Variants in PLXNC1 observed in about 807,000 individuals in gnomAD.
The protein encoded by PLXNC1 is plexin-C1.
In PLXNC1, 75 loss-of-function variants were observed where a neutral mutation model predicts 178.2. The observed-to-expected ratio is 0.42, with a 90% confidence interval of 0.35 to 0.51. PLXNC1 has a LOEUF of 0.51. PLXNC1 is among the 20% of genes least tolerant of loss of function. The pLI, the probability that PLXNC1 is intolerant of heterozygous loss-of-function variation, is 0.02. For synonymous variants in PLXNC1, 790 were observed against 779.9 expected, an observed-to-expected ratio of 1.01 and a Z score of -0.22; for missense variants, 1,503 against 1,984.4, an observed-to-expected ratio of 0.76 and a Z score of 4.61.
intron 1 of PLXNC1, among the ~76,000 whole-genome samples, chr12:94,165,975 C>G (rs1687824862): frequency 1.3e-5 from 2 of 152,066 alleles, no homozygotes; most frequent in Non-Finnish European, 2.9e-5. Context: ...CAGTGGACTT[C>G]TCACATCTCC....
At position 94,149,137 on chromosome 12, in the gene PLXNC1, G is replaced by C. The variant is rs1329253206; in HGVS notation, c.166G>C (p.Gly56Arg). The change falls in exon 1 of 31, where the codon GGC becomes CGC. Residue 56 changes from glycine (G) to arginine (R), a missense_variant. By Grantham distance (125) the Gly-to-Arg change is moderately radical. Transcript: ENST00000258526. ...AGCCATCGCGGCGAGCCAGGAGGAC[G>C]GCGTGTTTGTGGCGAGCGGCAGCTG... Reference protein sequence around the residue: ...IGAIAASQEDGVFVASGSCLD... With the variant: ...IGAIAASQEDRVFVASGSCLD... The C allele has an allele frequency of 6.3e-7, 1 of 1,590,030 alleles. No homozygotes were observed. Among genetic ancestry groups the C allele is most frequent in the African/African-American group, 1.4e-5 (1 of 72,172 alleles).
chr12:94,175,712 C>T (rs1962026217), intron 2 of PLXNC1, among the ~76,000 whole-genome samples: 1 of 152,234 alleles, frequency 6.6e-6, no homozygotes, highest in South Asian at 2.1e-4. Flanking sequence ...ATGCTAATAG[C>T]GTCGTTTTTC....
Position 94,282,477 on chromosome 12 carries a change from C to T in PLXNC1, c.3879+76C>T. 3.2e-6 allele frequency: 3 copies of T among 942,928 alleles called. No individual in the cohort carries two copies. In the South Asian group the frequency reaches 4.2e-5, roughly 13 times the overall value. The allele number at this position is 942,928 out of a possible 1,614,324, so 58.4% of individuals were successfully genotyped here. ...CCCATGGACATTCTTTTAAAACATC[C>T]AGGACTCCCACCCATTTCCTGGAAT... On this transcript the variant is annotated intron_variant, in intron 23 of 30. Transcript: ENST00000258526.
intron 6 of PLXNC1, 120 bp from the exon 7 acceptor site, chr12:94,224,108 T>C (rs1963873585): frequency 1.4e-6 from 1 of 706,376 alleles, no homozygotes; most frequent in South Asian, 1.5e-5. Flanking sequence ...AGCAAACAGC[T>C]GGCACGCTCC....
At chr12:94,150,495 C>CT (rs1960918069) in intron 1 of PLXNC1, among the ~76,000 whole-genome samples, 1 of 152,208 alleles carries the variant, frequency 6.6e-6, no homozygotes, top group Non-Finnish European at 1.5e-5. Context: ...GCCATTGAAC[C>CT]TAAAGGGCTC....
At chr12:94,172,970 G>T (rs778812014) in intron 2 of PLXNC1, among the ~76,000 whole-genome samples, 1 of 152,012 alleles carries the variant, frequency 6.6e-6, no homozygotes, top group Non-Finnish European at 1.5e-5. Flanking sequence ...GAGCTCAAAG[G>T]GTCCTTTGAG....
At chr12:94,290,180 T>G (rs1219231455) in intron 23 of PLXNC1, among the ~76,000 whole-genome samples, 1 of 152,210 alleles carries the variant, frequency 6.6e-6, no homozygotes, top group Non-Finnish European at 1.5e-5. Flanking sequence ...CCAGAATGAA[T>G]CATCAGCTTC....
chr12:94,224,084 C>G, intron 6 of PLXNC1, 144 bp from the exon 7 acceptor site: 1 of 653,188 alleles, frequency 1.5e-6, no homozygotes, highest in Admixed American at 2.3e-5. Context: ...GAACCACATA[C>G]TGATTGAAAT....
At chr12:94,242,964 G>C (rs1224553568) in intron 11 of PLXNC1, among the ~76,000 whole-genome samples, 1 of 152,236 alleles carries the variant, frequency 6.6e-6, no homozygotes, top group African/African-American at 2.4e-5. Context: ...CTACTGTTCT[G>C]TCACCTGCGA....
rs933949494 is a variant in PLXNC1, at chr12:94,262,443, G to C, written c.3450+1603G>C. ...TTTCAAGGGCTGCTCTTGGGCATTA[G>C]AGGGGTGAGATGTTCAGAAAATCTG... On this transcript the variant is annotated intron_variant, in intron 20 of 30. Coordinates refer to ENST00000258526, the MANE Select transcript of PLXNC1 (RefSeq NM_005761.3). The C allele has an allele frequency of 1.1e-5, 11 of 965,384 alleles. No homozygotes were observed. The African/African-American group carries it at 1.9e-4, about 17-fold the overall frequency. 59.8% of individuals were successfully genotyped at this position (965,384 alleles called of 1,614,324 possible).
At chr12:94,196,252 G>A (rs1962908497) in intron 4 of PLXNC1, among the ~76,000 whole-genome samples, 1 of 152,156 alleles carries the variant, frequency 6.6e-6, no homozygotes, top group Admixed American at 6.5e-5. Context: ...CTCCAGTACT[G>A]GAGGTGGGCC....
intron 1 of PLXNC1, among the ~76,000 whole-genome samples, chr12:94,159,418 G>T (rs1961293839): frequency 6.6e-6 from 1 of 152,212 alleles, no homozygotes; most frequent in Non-Finnish European, 1.5e-5. Context: ...AGGCCGAATT[G>T]ACACCAGGAA....
Position 94,149,414 on chromosome 12 carries a change from G to A in PLXNC1, c.443G>A (p.Arg148His). The change falls in exon 1 of 31, where the codon CGC becomes CAC. Residue 148 changes from arginine (R) to histidine (H), a missense_variant. Physicochemically the swap from Arg to His is conservative, Grantham distance 29 (BLOSUM62 0). This residue lies in a region of PLXNC1 where 73 missense variants were observed against 125.4 expected (regional missense o/e 0.58). Coordinates refer to ENST00000258526, the MANE Select transcript of PLXNC1 (RefSeq NM_005761.3). ...GGCAACCTGAGCCGCAACTCCCTGCGCAACGGCACCGAGGTGGTGTCGTGC... is the reference window on the plus strand; with the variant it reads ...GGCAACCTGAGCCGCAACTCCCTGCACAACGGCACCGAGGTGGTGTCGTGC... ...PLGNLSRNSLRNGTEVVSCHP... is the reference protein window; with the variant it reads ...PLGNLSRNSLHNGTEVVSCHP... 1 of 1,436,328 alleles carries A rather than the reference G, an allele frequency of 7.0e-7. No individual in the cohort carries two copies. The highest frequency in any genetic ancestry group is 2.7e-5 in the East Asian group (1 of 36,526). The allele number at this position is 1,436,328 out of a possible 1,614,324, so 89.0% of individuals were successfully genotyped here.
rs755121787 is a variant in PLXNC1 at position 94,149,122 on chromosome 12, G to T, written c.151G>T (p.Ala51Ser). The change falls in exon 1 of 31, where the codon GCG becomes TCG. Residue 51 changes from alanine to serine, a missense_variant. Physicochemically the swap from Ala to Ser is moderately conservative, Grantham distance 99 (BLOSUM62 1). Transcript: ENST00000258526. ...GGAGCAAGCCATCGGAGCCATCGCG[G>T]CGAGCCAGGAGGACGGCGTGTTTGT... is the stretch of plus-strand genomic sequence containing the variant. ...RSEQAIGAIA[A>S]SQEDGVFVAS... 15 of 1,587,774 alleles carry T rather than the reference G, an allele frequency of 9.4e-6. No homozygotes were observed. Among genetic ancestry groups the T allele is most frequent in the Non-Finnish European group, 1.3e-5 (15 of 1,172,320 alleles).
Position 94,238,359 on chromosome 12 carries a change from C to T in PLXNC1, c.2120+556C>T, listed in dbSNP as rs116639213. Among the ~76,000 whole-genome samples, 628 of 152,276 alleles carry T rather than the reference C, an allele frequency of 4.1e-3. 3 individuals carry two copies. The highest frequency in any genetic ancestry group is 0.014 in the African/African-American group (601 of 41,554). The stretch of plus-strand genomic sequence containing the variant: ...AAAAAGAACACCCCAACATAAATAT[C>T]TGGTCAATGTATCTCTTGAACATTA... On this transcript the variant is annotated intron_variant, in intron 10 of 30. Coordinates refer to ENST00000258526, the MANE Select transcript of PLXNC1 (RefSeq NM_005761.3).
At chr12:94,175,443 A>G (rs899895321) in intron 2 of PLXNC1, among the ~76,000 whole-genome samples, 1 of 152,154 alleles carries the variant, frequency 6.6e-6, no homozygotes, top group Non-Finnish European at 1.5e-5. Context: ...CCTCACCATG[A>G]TATCCTTCCT....
chr12:94,206,084 C>G (rs1963289574), intron 4 of PLXNC1, among the ~76,000 whole-genome samples: 1 of 152,164 alleles, frequency 6.6e-6, no homozygotes, highest in Admixed American at 6.5e-5. Context: ...TTCCTCCATG[C>G]CAGTCTGTGG....
At chr12:94,269,414 T>C (rs1342848635) in intron 21 of PLXNC1, among the ~76,000 whole-genome samples, 1 of 152,230 alleles carries the variant, frequency 6.6e-6, no homozygotes, top group Admixed American at 6.5e-5. Flanking sequence ...TCTCTAGCAG[T>C]TACCATTTTG....
In PLXNC1 at chr12:94,209,583, T is replaced by A; in HGVS notation, c.1440-7T>A. 6.3e-7 allele frequency: 1 copy of A among 1,583,754 alleles called. No homozygotes were observed. Among genetic ancestry groups the A allele is most frequent in the Non-Finnish European group, 8.7e-7 (1 of 1,152,756 alleles). Reference sequence around the variant, plus strand: ...GGGGTCGCTGTTTTGTTGCCTCGTTTTTTTAGGTGCACTTTTCAAGGAGAT... The same window carrying A: ...GGGGTCGCTGTTTTGTTGCCTCGTTATTTTAGGTGCACTTTTCAAGGAGAT... On this transcript the variant is annotated splice_region_variant and splice_polypyrimidine_tract_variant and intron_variant, in intron 4 of 30. Coordinates refer to ENST00000258526, the MANE Select transcript of PLXNC1 (RefSeq NM_005761.3).
Sources: allele counts gnomAD v4.1 joint callset (sites outside exome capture counted in the v4.1 genomes callset), GRCh38; gene constraint gnomAD v4.1.1; regional missense constraint gnomAD v4.1.1; transcripts MANE v1.5; gene names NCBI Gene and HGNC (gene_info 2026-07-23, HGNC 2026-07-21).